The following KIDINS220 variants were observed in gnomAD, a reference collection of about 807,000 sequenced individuals.
KIDINS220 encodes the protein kinase D-interacting substrate of 220 kDa.
A neutral mutation model predicts 157.6 loss-of-function variants in KIDINS220; 63 were observed. The ratio of observed to expected loss-of-function variants is 0.40; its 90% CI spans 0.33 to 0.49. The LOEUF (loss-of-function observed/expected upper bound fraction) is 0.49, where lower values mean the gene tolerates loss of function less well. KIDINS220 is among the 20% of genes least tolerant of loss of function. KIDINS220 has a pLI of 0.66. For missense variants in KIDINS220, 1,772 were observed against 2,171.2 expected, an observed-to-expected ratio of 0.82 and a Z score of 3.65; for synonymous variants, 732 against 783.6, an observed-to-expected ratio of 0.93 and a Z score of 1.10.
At chr2:8,817,575 A>G in intron 4 of KIDINS220, 43 bp downstream of exon 4, 1 of 1,069,774 alleles carries the variant, frequency 9.3e-7, no homozygotes, top group Non-Finnish European at 1.4e-6. Flanking sequence ...TATGATTATA[A>G]ATAAGATTTC....
At chr2:8,786,870 G>A (rs377165111) in intron 15 of KIDINS220, among the ~76,000 whole-genome samples, 3 of 152,086 alleles carry the variant, frequency 2.0e-5, no homozygotes, top group Non-Finnish European at 2.9e-5. Context: ...TAGCTTCCAC[G>A]TCTACCAGGG....
At chr2:8,811,738 G>T (rs1201325911) in intron 6 of KIDINS220, among the ~76,000 whole-genome samples, 1 of 151,892 alleles carries the variant, frequency 6.6e-6, no homozygotes, top group Non-Finnish European at 1.5e-5. Flanking sequence ...AATTAGGTAG[G>T]TATTTATGCA....
chr2:8,753,049 A>T (rs1034442247), intron 22 of KIDINS220, among the ~76,000 whole-genome samples: 1 of 152,230 alleles, frequency 6.6e-6, no homozygotes, highest in Non-Finnish European at 1.5e-5. Flanking sequence ...AATGTTGACA[A>T]TTCCTGATCT....
downstream of KIDINS220, among the ~76,000 whole-genome samples, chr2:8,728,411 A>C (rs1461875496): frequency 6.6e-6 from 1 of 152,218 alleles, no homozygotes; most frequent in Non-Finnish European, 1.5e-5. Flanking sequence ...AGATTAGAGC[A>C]CCAATTTCTT....
intron 22 of KIDINS220, among the ~76,000 whole-genome samples, chr2:8,762,305 TGA>T (rs1668848417): frequency 6.6e-6 from 1 of 152,232 alleles, no homozygotes. Context: ...TTAATATACC[TGA>T]GTTTTTCATG....
intron 22 of KIDINS220, among the ~76,000 whole-genome samples, chr2:8,751,972 TG>T (rs1422407373): frequency 5.9e-5 from 9 of 152,278 alleles, no homozygotes; most frequent in African/African-American, 2.2e-4. Context: ...CCCAAAGTGC[TG>T]GGATTACAGG....
At chr2:8,747,033 T>C (rs892190423) in intron 26 of KIDINS220, 112 bp downstream of exon 26, 6 of 905,922 alleles carry the variant, frequency 6.6e-6, no homozygotes, top group South Asian at 1.4e-5. Context: ...TAGCTGCTCA[T>C]CACACCACAA....
chr2:8,778,278 C>A (rs1671239500), intron 20 of KIDINS220, among the ~76,000 whole-genome samples: 1 of 152,184 alleles, frequency 6.6e-6, no homozygotes, highest in Non-Finnish European at 1.5e-5. Context: ...GGAGTTTTCT[C>A]ACACTACAAA....
chr2:8,811,782 A>G (rs1676354002), intron 6 of KIDINS220, among the ~76,000 whole-genome samples: 1 of 152,190 alleles, frequency 6.6e-6, no homozygotes, highest in Admixed American at 6.5e-5. Context: ...TTTAAAAAAA[A>G]AAAAGAATAG....
intron 2 of KIDINS220, among the ~76,000 whole-genome samples, chr2:8,819,810 G>A (rs1012398420): frequency 3.3e-5 from 5 of 152,038 alleles, no homozygotes; most frequent in East Asian, 1.9e-4. Flanking sequence ...GGGTGACAGA[G>A]CAAGACTTGT....
At chr2:8,751,673 T>C in intron 22 of KIDINS220, 29 bp from the exon 23 acceptor site, 2 of 1,469,558 alleles carry the variant, frequency 1.4e-6, no homozygotes, top group South Asian at 2.4e-5. Flanking sequence ...TGAAAAAGGT[T>C]ATTAATGTCA....
At chr2:8,756,187 A>G (rs933937477) in intron 22 of KIDINS220, among the ~76,000 whole-genome samples, 1 of 152,204 alleles carries the variant, frequency 6.6e-6, no homozygotes, top group Non-Finnish European at 1.5e-5. Flanking sequence ...ACAAGTCTTT[A>G]ACTTTCTTGG....
chr2:8,731,489 T>C lies in KIDINS220; in HGVS notation c.4547A>G (p.Tyr1516Cys). ...ATCCTCGTCACTTGGGAGTTTTTGA[T>C]AGCGCAGCCCACTTCCCTTAAGCTT... The part of the protein sequence containing the change: ...DLKLKGSGLR[Y>C]QKLPSDEDES... The change falls in exon 30 of 30, where the codon TAT becomes TGT. Residue 1516 changes from tyrosine to cysteine, a missense_variant. Physicochemically the swap from Tyr to Cys is radical, Grantham distance 194. This residue lies in a region of KIDINS220 where 793 missense variants were observed against 885.5 expected (regional missense o/e 0.90). Transcript: ENST00000256707. The surrounding 1 kb of genome is among the most constrained non-coding windows in gnomAD (Gnocchi z 5.2). 1 of 1,614,210 alleles carries C rather than the reference T, an allele frequency of 6.2e-7. No individual in the cohort carries two copies. Among genetic ancestry groups the C allele is most frequent in the Non-Finnish European group, 8.5e-7 (1 of 1,180,050 alleles).
rs1307898730 is a variant in KIDINS220 at position 8,770,636 on chromosome 2, A to G, written c.3011+34T>C. On this transcript the variant is annotated intron_variant, in intron 22 of 29. Coordinates refer to ENST00000256707, the MANE Select transcript of KIDINS220 (RefSeq NM_020738.4). The stretch of plus-strand genomic sequence containing the variant: ...TTTTTTTTTTTTAACTCAACCTAAA[A>G]TAAAGTAAAATACAAAGAGGTCACA... The G allele has an allele frequency of 1.5e-5, 21 of 1,382,394 alleles. 1 individual carries two copies. In the Admixed American group the frequency reaches 4.8e-4, roughly 32 times the overall value. 85.6% of individuals were successfully genotyped at this position (1,382,394 alleles called of 1,614,324 possible).
chr2:8,831,329 C>T (rs1332372668), intron 1 of KIDINS220, among the ~76,000 whole-genome samples: 2 of 151,538 alleles, frequency 1.3e-5, no homozygotes, highest in Non-Finnish European at 2.9e-5. Flanking sequence ...TCCCTCCCAC[C>T]CTCTACATAG....
intron 6 of KIDINS220, among the ~76,000 whole-genome samples, chr2:8,807,199 A>C (rs1386356304): frequency 6.6e-6 from 1 of 152,218 alleles, no homozygotes; most frequent in Non-Finnish European, 1.5e-5. Context: ...GACAAGACCC[A>C]TGAGCCCTTG....
chr2:8,807,528 GTTC>G (rs1675630109), intron 6 of KIDINS220, among the ~76,000 whole-genome samples: 1 of 152,186 alleles, frequency 6.6e-6, no homozygotes, highest in Admixed American at 6.5e-5. Flanking sequence ...GATGAACTGA[GTTC>G]TTTTCTTTTT....
intron 22 of KIDINS220, among the ~76,000 whole-genome samples, chr2:8,761,496 T>A (rs968067229): frequency 5.9e-5 from 9 of 152,196 alleles, no homozygotes; most frequent in African/African-American, 2.2e-4. Flanking sequence ...AAAAGTTAAT[T>A]TAAACTAATT....
chr2:8,776,635 T>C lies in KIDINS220; in HGVS notation c.2848+113A>G. The C allele has an allele frequency of 1.6e-5, 13 of 798,042 alleles. 1 individual carries two copies. The highest frequency in any genetic ancestry group is 2.2e-5 in the Non-Finnish European group (12 of 551,810). 49.4% of individuals were successfully genotyped at this position (798,042 alleles called of 1,614,324 possible). A position where few individuals can be genotyped will look rare whatever the true frequency, so the allele number is the denominator to read the frequency against. ...GTGCACTTAATACAAATAAAGCCAG[T>C]ATTCAGCAATGTAAACATATACACA... On this transcript the variant is annotated intron_variant, in intron 21 of 29. Coordinates refer to ENST00000256707, the MANE Select transcript of KIDINS220 (RefSeq NM_020738.4).
Sources: allele counts gnomAD v4.1 joint callset (sites outside exome capture counted in the v4.1 genomes callset), GRCh38; gene constraint gnomAD v4.1.1; regional missense constraint gnomAD v4.1.1; non-coding constraint Gnocchi (gnomAD v3.1); transcripts MANE v1.5; gene names NCBI Gene and HGNC (gene_info 2026-07-23, HGNC 2026-07-21).